Variants in SNX27 observed in about 807,000 individuals in gnomAD.
SNX27 encodes sorting nexin 27, also known as sorting nexin-27.
Under a neutral mutation model 71.6 loss-of-function variants are expected in SNX27, and 22 were observed. The observed-to-expected ratio is 0.31, with a 90% confidence interval of 0.22 to 0.44. The LOEUF (loss-of-function observed/expected upper bound fraction) is 0.44, where lower values mean the gene tolerates loss of function less well. Among genes scored for constraint, SNX27 ranks in the 20% least tolerant of loss-of-function variants. The pLI, the probability that SNX27 is intolerant of heterozygous loss-of-function variation, is 1.00. For synonymous variants in SNX27, 269 were observed against 277.2 expected (o/e 0.97, Z 0.29); for missense variants, 531 against 698.6 (o/e 0.76, Z 2.70).
At chr1:151,693,097 C>T (rs1291983576) in intron 10 of SNX27, 58 bp downstream of exon 10, 7 of 1,515,814 alleles carry the variant, frequency 4.6e-6, no homozygotes, top group Non-Finnish European at 6.2e-6. Flanking sequence ...TTTTTTTTTT[C>T]AGCTAAATGC....
chr1:151,637,205 G>A (rs974649997), intron 1 of SNX27, among the ~76,000 whole-genome samples: 1 of 125,828 alleles, frequency 7.9e-6, no homozygotes, highest in African/African-American at 3.0e-5. Context: ...TGCTCTGTCC[G>A]CCAGGCTGGA....
At position 151,628,151 on chromosome 1, in the gene SNX27, C is replaced by T. The variant is rs568949369; in HGVS notation, c.312-10737C>T. ...CCTCTTGAGTAGCTGGGATTACAGGCGCCCGCCACCATGCCCAGCTAATTT... is the reference window on the plus strand; with the variant it reads ...CCTCTTGAGTAGCTGGGATTACAGGTGCCCGCCACCATGCCCAGCTAATTT... On this transcript the variant is annotated intron_variant, in intron 1 of 11. Transcript: ENST00000458013. Among the ~76,000 whole-genome samples, 423 of 151,948 alleles carry T rather than the reference C, an allele frequency of 2.8e-3. 1 individual carries two copies. The highest frequency in any genetic ancestry group is 9.5e-3 in the African/African-American group (392 of 41,428).
chr1:151,618,154 C>G (rs1171865284), intron 1 of SNX27, among the ~76,000 whole-genome samples: 1 of 151,978 alleles, frequency 6.6e-6, no homozygotes, highest in East Asian at 1.9e-4. Context: ...GCTTGAGCAC[C>G]TGGCTGCTTA....
chr1:151,665,917 T>C lies in SNX27; in HGVS notation c.907-16T>C, dbSNP rs369851379. 1 of 1,588,842 alleles carries C rather than the reference T, an allele frequency of 6.3e-7. No homozygotes were observed. ...ACTTAATTTTCTTGAAACCAATCTA[T>C]CCTGTTTAACCTTAGGCTATCGCAG... On this transcript the variant is annotated splice_polypyrimidine_tract_variant and intron_variant, in intron 5 of 11. Coordinates refer to ENST00000458013, the MANE Select transcript of SNX27 (RefSeq NM_001330723.2).
intron 2 of SNX27, among the ~76,000 whole-genome samples, chr1:151,648,800 ACTTGCATTAATATTT>A (rs1333867899): frequency 6.6e-6 from 1 of 152,060 alleles, no homozygotes; most frequent in Non-Finnish European, 1.5e-5. Flanking sequence ...TGCTTGAAGA[ACTTGCATTAATATTT>A]CTTGCATTAA....
chr1:151,646,133 C>CAGAA (rs1271260883), intron 2 of SNX27, among the ~76,000 whole-genome samples: 1 of 152,098 alleles, frequency 6.6e-6, no homozygotes, highest in Non-Finnish European at 1.5e-5. Context: ...GTTCTGAAGT[C>CAGAA]TTTCTCTCAT....
intron 8 of SNX27, among the ~76,000 whole-genome samples, chr1:151,691,875 T>G (rs77386405): frequency 6.6e-6 from 1 of 151,886 alleles, no homozygotes; most frequent in Non-Finnish European, 1.5e-5. Flanking sequence ...TCCTTACTTA[T>G]GGCAAAAAAA....
chr1:151,628,226 C>CA (rs1368084247), intron 1 of SNX27, among the ~76,000 whole-genome samples: 2 of 152,040 alleles, frequency 1.3e-5, no homozygotes. Context: ...AGGCTGGTGT[C>CA]AAACTCCTGA....
intron 6 of SNX27, among the ~76,000 whole-genome samples, chr1:151,667,516 G>A (rs1670249270): frequency 6.6e-6 from 1 of 152,108 alleles, no homozygotes; most frequent in Admixed American, 6.5e-5. Flanking sequence ...TGGGTAAGAG[G>A]AGAGGCTTGC....
At chr1:151,634,077 GCA>G (rs1265827962) in intron 1 of SNX27, among the ~76,000 whole-genome samples, 1 of 151,294 alleles carries the variant, frequency 6.6e-6, no homozygotes, top group South Asian at 2.1e-4. Flanking sequence ...TTTATTTTAT[GCA>G]CTTATCAGCT....
intron 8 of SNX27, among the ~76,000 whole-genome samples, chr1:151,687,956 A>C (rs1232528978): frequency 9.6e-5 from 14 of 145,222 alleles, no homozygotes; most frequent in Non-Finnish European, 7.6e-5. Context: ...AAAAAAAAAA[A>C]AAAACAACGA....
chr1:151,673,508 G>C (rs929715412), intron 7 of SNX27, among the ~76,000 whole-genome samples: 2 of 152,140 alleles, frequency 1.3e-5, no homozygotes, highest in Admixed American at 1.3e-4. Flanking sequence ...GCAGTCATTG[G>C]ATGAAGTGTT....
intron 3 of SNX27, 84 bp from the exon 4 acceptor site, chr1:151,660,714 T>G: frequency 9.4e-7 from 1 of 1,066,602 alleles, no homozygotes; most frequent in Non-Finnish European, 1.5e-6. Context: ...AACTGATGAT[T>G]TAAACTTAAA....
chr1:151,693,529 C>G, intron 11 of SNX27, 46 bp downstream of exon 11: 1 of 1,613,322 alleles, frequency 6.2e-7, no homozygotes, highest in Non-Finnish European at 8.5e-7. Context: ...CTTTTTGTTT[C>G]TTTAAAATTT....
intron 7 of SNX27, among the ~76,000 whole-genome samples, chr1:151,681,463 C>T (rs1021157174): frequency 3.3e-5 from 5 of 151,826 alleles, no homozygotes; most frequent in South Asian, 4.2e-4. Context: ...AGGATGGTCT[C>T]GATCTCCTGA....
chr1:151,659,566 T>TTA (rs1669864431), intron 3 of SNX27: 1 of 152,322 alleles, frequency 6.6e-6, no homozygotes, highest in African/African-American at 2.4e-5. Context: ...AATTTCCTTG[T>TTA]TATCTCACTG....
chr1:151,669,531 T>G lies in SNX27; in HGVS notation c.1149+896T>G, dbSNP rs573207985. Among the ~76,000 whole-genome samples the G allele has an allele frequency of 2.0e-5, 3 of 152,326 alleles. No individual in the cohort carries two copies. The South Asian group carries it at 6.2e-4, about 32-fold the overall frequency. The stretch of plus-strand genomic sequence containing the variant: ...ATCAGGTAGTTCATGATTTCCACTT[T>G]CTGAAGAAATCTCCTGTGGAGTCTC... On this transcript the variant is annotated intron_variant, in intron 7 of 11. Transcript: ENST00000458013.
At chr1:151,622,422 A>G (rs1667716631) in intron 1 of SNX27, among the ~76,000 whole-genome samples, 1 of 152,222 alleles carries the variant, frequency 6.6e-6, no homozygotes, top group Non-Finnish European at 1.5e-5. Context: ...TAATGTTTTT[A>G]ATTACATTAT....
intron 7 of SNX27, chr1:151,675,844 TTA>T (rs1670673019): frequency 2.6e-5 from 3 of 117,534 alleles, no homozygotes; most frequent in Non-Finnish European, 3.5e-5. Context: ...TTTTTTTTTT[TTA>T]TATAGGCTCT....
Sources: gnomAD v4.1 joint callset for allele counts (sites outside exome capture counted in the v4.1 genomes callset) on GRCh38, gnomAD v4.1.1 for gene constraint, MANE v1.5 for transcripts, NCBI Gene and HGNC (gene_info 2026-07-23, HGNC 2026-07-21) for gene names.